The following LAMA1 variants were observed in gnomAD, a reference collection of about 807,000 sequenced individuals.
The protein encoded by LAMA1 is laminin subunit alpha-1.
LAMA1 carries 219 observed loss-of-function variants against 348.7 expected under a neutral mutation model. The observed-to-expected ratio is 0.63, with a 90% CI of 0.56 to 0.70. The LOEUF is 0.70. LAMA1 is among the 30% of genes least tolerant of loss of function. The pLI is 0.00. For synonymous variants in LAMA1, 1,487 were observed against 1,491.0 expected (o/e 1.00, Z 0.06); for missense variants, 3,744 against 3,888.0 (o/e 0.96, Z 0.99).
At chr18:7,115,270 TC>T (rs1157902313) in intron 1 of LAMA1, among the ~76,000 whole-genome samples, 1 of 152,196 alleles carries the variant, frequency 6.6e-6, no homozygotes, top group Non-Finnish European at 1.5e-5. Context: ...TTTTTTTCTG[TC>T]CTTAGAATTG....
In LAMA1 at chr18:7,053,405, G is replaced by A. The variant is rs2143731403; in HGVS notation, c.346-2469C>T. ...AAATGTACCATTCTAATGCAACATG[G>A]TAATAGTGGGAGCAACTGGAGGGAA... is the stretch of plus-strand genomic sequence containing the variant. On this transcript the variant is annotated intron_variant, in intron 3 of 62. Transcript: ENST00000389658. 1.3e-5 allele frequency among the ~76,000 whole-genome samples: 2 copies of A among 152,346 alleles called. 1 individual carries two copies. Among genetic ancestry groups the A allele is most frequent in the South Asian group, 4.1e-4 (2 of 4,830 alleles).
At position 7,050,532 on chromosome 18, in the gene LAMA1, T is replaced by C. The variant is rs16951108; in HGVS notation, c.588+162A>G. 8.1e-3 allele frequency among the ~76,000 whole-genome samples: 1,239 copies of C among 152,272 alleles called. 25 individuals carry two copies. Among genetic ancestry groups the C allele is most frequent in the African/African-American group, 0.028 (1,173 of 41,546 alleles). Reference sequence around the variant, plus strand: ...GAGGAAGTCAACAAGGTAAACCATATTGTTTGTGAAATTACTTATAATAGA... The same window carrying C: ...GAGGAAGTCAACAAGGTAAACCATACTGTTTGTGAAATTACTTATAATAGA... On this transcript the variant is annotated intron_variant, in intron 4 of 62. Transcript: ENST00000389658.
At chr18:6,972,898 T>C (rs1204332004) in intron 47 of LAMA1, among the ~76,000 whole-genome samples, 159 bp downstream of exon 47, 2 of 152,000 alleles carry the variant, frequency 1.3e-5, no homozygotes, top group East Asian at 3.9e-4. Flanking sequence ...TCCATGTTGG[T>C]CAGGCTGGTC....
At chr18:7,004,374 T>A (rs995078796) in intron 29 of LAMA1, among the ~76,000 whole-genome samples, 2 of 151,968 alleles carry the variant, frequency 1.3e-5, no homozygotes, top group African/African-American at 4.8e-5. Flanking sequence ...TTTTTTGAGG[T>A]GGAGTTTCGC....
At chr18:7,093,033 T>C (rs983516405) in intron 1 of LAMA1, among the ~76,000 whole-genome samples, 3 of 152,144 alleles carry the variant, frequency 2.0e-5, no homozygotes, top group Admixed American at 6.6e-5. Context: ...GTATACCGAA[T>C]TGAGGAGCAG....
At chr18:6,999,689 C>G (rs1372907206) in intron 31 of LAMA1, 51 bp from the exon 32 acceptor site, 1 of 1,474,076 alleles carries the variant, frequency 6.8e-7, no homozygotes, top group Admixed American at 1.9e-5. Context: ...ATACCAGCTT[C>G]TAACTTGCGA....
intron 36 of LAMA1, among the ~76,000 whole-genome samples, chr18:6,987,984 C>A (rs1403554632): frequency 6.6e-6 from 1 of 152,030 alleles, no homozygotes; most frequent in Non-Finnish European, 1.5e-5. Flanking sequence ...CATGGTGGTG[C>A]GTGCCTGTAG....
intron 62 of LAMA1, among the ~76,000 whole-genome samples, 180 bp from the exon 63 acceptor site, chr18:6,942,419 C>CA (rs2057502940): frequency 6.8e-6 from 1 of 146,766 alleles, no homozygotes. Flanking sequence ...TCAGAGAAAA[C>CA]TTTTTTTTTT....
At chr18:7,090,552 G>T (rs1252107948) in intron 1 of LAMA1, among the ~76,000 whole-genome samples, 1 of 152,070 alleles carries the variant, frequency 6.6e-6, no homozygotes, top group East Asian at 1.9e-4. Flanking sequence ...ATGGCTGTTA[G>T]TAAAAGAAAA....
intron 12 of LAMA1, among the ~76,000 whole-genome samples, chr18:7,037,266 G>A (rs2057999368): frequency 6.6e-6 from 1 of 152,150 alleles, no homozygotes; most frequent in South Asian, 2.1e-4. Context: ...GCGGGAATGT[G>A]AGGAACACTT....
chr18:7,071,446 A>G (rs567428937), intron 3 of LAMA1, among the ~76,000 whole-genome samples: 4 of 152,362 alleles, frequency 2.6e-5, no homozygotes, highest in East Asian at 1.9e-4. Context: ...AATTTGTCAT[A>G]TAAACCTCAA....
Position 6,978,050 on chromosome 18 carries a change from G to A in LAMA1, c.6190+146C>T, listed in dbSNP as rs1251092293. 21 of 1,290,206 alleles carry A rather than the reference G, an allele frequency of 1.6e-5. No homozygotes were observed. In the Admixed American group the frequency reaches 3.7e-4, roughly 23 times the overall value. 79.9% of individuals were successfully genotyped at this position (1,290,206 alleles called of 1,614,324 possible). ...GCACAAGTAGCATGCATTTCCCAAG[G>A]TCCTTCTCTTAATAAAGGCTAATCC... On this transcript the variant is annotated intron_variant, in intron 43 of 62. Coordinates refer to ENST00000389658, the MANE Select transcript of LAMA1 (RefSeq NM_005559.4).
intron 1 of LAMA1, among the ~76,000 whole-genome samples, chr18:7,109,022 A>T (rs2058325448): frequency 1.3e-5 from 2 of 152,194 alleles, no homozygotes; most frequent in African/African-American, 4.8e-5. Flanking sequence ...CTGCTTGAAG[A>T]CCAACTGGAA....
intron 1 of LAMA1, among the ~76,000 whole-genome samples, chr18:7,098,067 T>C (rs2058269999): frequency 6.6e-6 from 1 of 150,408 alleles, no homozygotes. Context: ...GCCAGGCCGG[T>C]CTCCAGCCCC....
chr18:7,056,112 C>T (rs563087852), intron 3 of LAMA1, among the ~76,000 whole-genome samples: 13 of 151,730 alleles, frequency 8.6e-5, no homozygotes, highest in African/African-American at 3.1e-4. Flanking sequence ...ATAATGTGTT[C>T]GGGGCTTTGA....
intron 3 of LAMA1, among the ~76,000 whole-genome samples, chr18:7,073,011 T>C (rs770750801): frequency 2.9e-4 from 44 of 152,258 alleles, no homozygotes; most frequent in Admixed American, 6.5e-4. Context: ...TTCTGAAAGA[T>C]AGGAGACTCT....
intron 57 of LAMA1, chr18:6,954,950 G>T: frequency 3.0e-6 from 1 of 328,712 alleles, no homozygotes; most frequent in South Asian, 2.6e-5. Context: ...AGAGGGGTGG[G>T]TGTGGCACTC....
chr18:6,972,038 A>G, intron 47 of LAMA1, 57 bp from the exon 48 acceptor site: 2 of 1,602,368 alleles, frequency 1.2e-6, no homozygotes, highest in Middle Eastern at 1.7e-4. Flanking sequence ...AGCAAAATAC[A>G]TTCTCCAAGT....
At chr18:6,989,202 G>C (rs530194635) in intron 36 of LAMA1, among the ~76,000 whole-genome samples, 1 of 152,178 alleles carries the variant, frequency 6.6e-6, no homozygotes. Flanking sequence ...TTTTCTTGCT[G>C]GGGGAGGAGT....
Sources: gnomAD v4.1 joint callset for allele counts (sites outside exome capture counted in the v4.1 genomes callset) on GRCh38, gnomAD v4.1.1 for gene constraint, MANE v1.5 for transcripts, NCBI Gene and HGNC (gene_info 2026-07-23, HGNC 2026-07-21) for gene names.